The following RBFOX1 variants were observed in gnomAD, a reference collection of about 807,000 sequenced individuals.
RBFOX1 encodes RNA binding fox-1 homolog 1.
RBFOX1 carries 8 observed loss-of-function variants against 57.7 expected under a neutral mutation model. The ratio of observed to expected loss-of-function variants is 0.14; its 90% CI spans 0.08 to 0.25. RBFOX1 has a LOEUF of 0.25. RBFOX1 is among the 10% of genes least tolerant of loss of function. RBFOX1 has a pLI of 1.00. For missense variants in RBFOX1, 611 were observed against 548.5 expected (o/e 1.11, Z -1.14); for synonymous variants, 326 against 222.4 (o/e 1.47, Z -4.15).
intron 3 of RBFOX1, among the ~76,000 whole-genome samples, chr16:5,725,324 G>C (rs1226126419): frequency 6.6e-6 from 1 of 152,072 alleles, no homozygotes; most frequent in Non-Finnish European, 1.5e-5. Flanking sequence ...GCTCACTGTA[G>C]GCTTGAACTC....
At chr16:7,378,583 A>T (rs952867462) in intron 4 of RBFOX1, among the ~76,000 whole-genome samples, 2 of 152,212 alleles carry the variant, frequency 1.3e-5, no homozygotes, top group South Asian at 4.1e-4. Flanking sequence ...AATCTGGGAC[A>T]TGGTGGTGGG....
intron 12 of RBFOX1, among the ~76,000 whole-genome samples, chr16:7,663,814 G>A (rs1330537128): frequency 6.6e-6 from 1 of 152,192 alleles, no homozygotes; most frequent in Non-Finnish European, 1.5e-5. Context: ...AAAAACCTGT[G>A]AAGGCTACAT....
intron 3 of RBFOX1, among the ~76,000 whole-genome samples, chr16:6,772,144 C>G (rs1220926336): frequency 2.6e-5 from 4 of 152,048 alleles, no homozygotes; most frequent in African/African-American, 7.2e-5. Flanking sequence ...AGTTTGTGGT[C>G]TGTTGGTGGT....
At chr16:5,665,743 C>G (rs1256022306) in intron 3 of RBFOX1, among the ~76,000 whole-genome samples, 2 of 152,218 alleles carry the variant, frequency 1.3e-5, no homozygotes, top group Non-Finnish European at 2.9e-5. Context: ...TCCTGGAAAA[C>G]TCAGCTGCCC....
intron 1 of RBFOX1, among the ~76,000 whole-genome samples, chr16:5,451,671 G>A (rs1334540872): frequency 6.6e-6 from 1 of 152,210 alleles, no homozygotes; most frequent in Non-Finnish European, 1.5e-5. Context: ...AGGCTTCAAA[G>A]GAAGGAGAGA....
At chr16:6,220,417 G>T (rs1352732674) in intron 1 of RBFOX1, among the ~76,000 whole-genome samples, 2 of 152,166 alleles carry the variant, frequency 1.3e-5, no homozygotes, top group African/African-American at 4.8e-5. Context: ...TGGAGGGATT[G>T]AAACAAGAGA....
intron 4 of RBFOX1, among the ~76,000 whole-genome samples, chr16:7,128,661 G>A (rs1296310411): frequency 6.6e-6 from 1 of 152,100 alleles, no homozygotes; most frequent in Non-Finnish European, 1.5e-5. Context: ...ACCAGAATAT[G>A]TTACAAGTCC....
intron 3 of RBFOX1, among the ~76,000 whole-genome samples, chr16:6,712,103 T>C (rs139815373): frequency 1.4e-3 from 219 of 152,298 alleles, no homozygotes; most frequent in African/African-American, 5.0e-3. Flanking sequence ...AACAGACTTA[T>C]TAGAGAGGCT....
chr16:6,688,963 G>T (rs989806095), intron 3 of RBFOX1, among the ~76,000 whole-genome samples: 16 of 147,308 alleles, frequency 1.1e-4, no homozygotes, highest in Non-Finnish European at 3.0e-5. Flanking sequence ...CGAAGGATAT[G>T]AACTCATCCT....
chr16:5,273,841 A>G (rs1275400597), intron 1 of RBFOX1, among the ~76,000 whole-genome samples: 1 of 152,192 alleles, frequency 6.6e-6, no homozygotes, highest in African/African-American at 2.4e-5. Context: ...GCTTTCCAAC[A>G]GTGTGTGAGC....
intron 5 of RBFOX1, among the ~76,000 whole-genome samples, chr16:7,526,365 G>C (rs990509067): frequency 2.0e-5 from 3 of 152,168 alleles, no homozygotes; most frequent in Non-Finnish European, 4.4e-5. Context: ...AAACAGGTCA[G>C]TTAAGGCCTG....
At chr16:7,057,216 G>T (rs1197584917) in intron 4 of RBFOX1, among the ~76,000 whole-genome samples, 2 of 152,144 alleles carry the variant, frequency 1.3e-5, no homozygotes, top group African/African-American at 2.4e-5. Flanking sequence ...CTCTGTATTT[G>T]ATTTCATGGT....
At chr16:7,387,445 C>G (rs1048931656) in intron 4 of RBFOX1, among the ~76,000 whole-genome samples, 1 of 152,110 alleles carries the variant, frequency 6.6e-6, no homozygotes, top group African/African-American at 2.4e-5. Context: ...TTCATATACC[C>G]CTGTCTTCCA....
rs114380086 is a variant in RBFOX1 at position 7,150,485 on chromosome 16, A to G, written c.27+98387A>G. On this transcript the variant is annotated intron_variant, in intron 4 of 15. Transcript: ENST00000550418. ...CAACTTCCACCATTATTACCACTCA[A>G]TGGTGGTAACAATTCCATAAATGAT... Among the ~76,000 whole-genome samples the G allele has an allele frequency of 3.3e-3, 500 of 152,286 alleles. 5 individuals are homozygous for G. The highest frequency in any genetic ancestry group is 0.011 in the African/African-American group (461 of 41,560).
intron 2 of RBFOX1, among the ~76,000 whole-genome samples, chr16:6,639,409 C>T (rs1190654225): frequency 2.0e-5 from 3 of 152,106 alleles, no homozygotes; most frequent in African/African-American, 4.8e-5. Context: ...AGAACGTGTC[C>T]TGTTAGAAAT....
intron 3 of RBFOX1, among the ~76,000 whole-genome samples, chr16:6,862,625 A>T (rs915869180): frequency 2.6e-5 from 4 of 152,198 alleles, no homozygotes; most frequent in Non-Finnish European, 5.9e-5. Flanking sequence ...AATGAAGTAC[A>T]GGACACAAAT....
intron 1 of RBFOX1, among the ~76,000 whole-genome samples, chr16:6,125,083 C>T (rs1214202279): frequency 6.6e-6 from 1 of 152,146 alleles, no homozygotes; most frequent in Admixed American, 6.5e-5. Context: ...GTTCCCCATC[C>T]TCCACATCCA....
chr16:7,166,745 G>A (rs9926556), intron 4 of RBFOX1, among the ~76,000 whole-genome samples: 134,875 of 151,910 alleles, frequency 0.89, 59,947 homozygotes, highest in East Asian at 0.98. Context: ...GACTTCAGCA[G>A]CATCCTTGGA....
intron 3 of RBFOX1, among the ~76,000 whole-genome samples, chr16:5,865,993 G>A (rs1179830178): frequency 1.3e-5 from 2 of 152,062 alleles, no homozygotes; most frequent in Non-Finnish European, 2.9e-5. Context: ...TTAAGACGGA[G>A]TTTCATTCTT....
Sources: allele counts gnomAD v4.1 joint callset (sites outside exome capture counted in the v4.1 genomes callset), GRCh38; gene constraint gnomAD v4.1.1; transcripts MANE v1.5; gene names NCBI Gene and HGNC (gene_info 2026-07-23, HGNC 2026-07-21).